PCSK5: variants seen among roughly 807,000 people sequenced by gnomAD.
PCSK5 encodes the protein prohormone convertase 5.
Under a neutral mutation model 233.2 loss-of-function variants are expected in PCSK5, and 129 were observed. The observed-to-expected ratio is 0.55, with a 90% CI of 0.48 to 0.64. PCSK5 has a LOEUF of 0.64. PCSK5 is among the 30% of genes least tolerant of loss of function. PCSK5 has a pLI of 0.00. For synonymous variants in PCSK5, 825 were observed against 879.2 expected (o/e 0.94, Z 1.09); for missense variants, 2,076 against 2,430.1 (o/e 0.85, Z 3.06).
At chr9:76,325,884 G>A (rs2495206) in intron 32 of PCSK5, among the ~76,000 whole-genome samples, 6,218 of 152,158 alleles carry the variant, frequency 0.041, 153 homozygotes, top group South Asian at 0.075. Flanking sequence ...TGATCTGCCC[G>A]TCTCTGCCTC....
intron 3 of PCSK5, among the ~76,000 whole-genome samples, chr9:76,002,873 T>G (rs1042728236): frequency 3.9e-5 from 6 of 152,308 alleles, no homozygotes; most frequent in African/African-American, 1.4e-4. Context: ...ACAAGCCTCC[T>G]GCACATCATT....
chr9:76,225,567 T>C (rs1000531254), intron 20 of PCSK5, among the ~76,000 whole-genome samples: 1 of 152,206 alleles, frequency 6.6e-6, no homozygotes, highest in African/African-American at 2.4e-5. Context: ...GTACCTGGAC[T>C]GATAATCACC....
At chr9:76,348,875 C>T (rs1349009187) in intron 35 of PCSK5, among the ~76,000 whole-genome samples, 1 of 151,872 alleles carries the variant, frequency 6.6e-6, no homozygotes, top group Admixed American at 6.6e-5. Flanking sequence ...TTAGATTCCA[C>T]ATTAAAGTGA....
chr9:76,201,640 G>A (rs901635700), intron 20 of PCSK5, among the ~76,000 whole-genome samples: 1 of 152,214 alleles, frequency 6.6e-6, no homozygotes, highest in African/African-American at 2.4e-5. Flanking sequence ...AGTACACACT[G>A]TGGCTACATC....
chr9:75,904,270 C>A (rs940791353), intron 1 of PCSK5, among the ~76,000 whole-genome samples: 5 of 152,084 alleles, frequency 3.3e-5, no homozygotes, highest in Non-Finnish European at 5.9e-5. Flanking sequence ...TCACAGGTTT[C>A]CTTTGTCATA....
chr9:75,954,414 T>TC (rs1185889762), intron 2 of PCSK5, among the ~76,000 whole-genome samples: 2 of 152,028 alleles, frequency 1.3e-5, no homozygotes, highest in Admixed American at 6.6e-5. Context: ...CTTGAATATC[T>TC]CCCCCTCCCG....
chr9:75,959,873 G>A (rs1289613015), intron 2 of PCSK5, among the ~76,000 whole-genome samples: 1 of 152,250 alleles, frequency 6.6e-6, no homozygotes, highest in East Asian at 1.9e-4. Flanking sequence ...TTATGGTAAA[G>A]ACAATAGCTG....
At chr9:76,272,533 G>A (rs1156853841) in intron 24 of PCSK5, among the ~76,000 whole-genome samples, 1 of 152,008 alleles carries the variant, frequency 6.6e-6, no homozygotes, top group African/African-American at 2.4e-5. Context: ...CCAGCACTTT[G>A]GGAGGCTGAG....
chr9:76,279,779 A>G (rs1382738385), intron 24 of PCSK5, among the ~76,000 whole-genome samples: 2 of 151,072 alleles, frequency 1.3e-5, no homozygotes, highest in African/African-American at 4.9e-5. Context: ...TTTCTTGTAA[A>G]TTTGTTTGAG....
chr9:76,303,556 A>T (rs1049640163), intron 28 of PCSK5, among the ~76,000 whole-genome samples: 1 of 152,192 alleles, frequency 6.6e-6, no homozygotes, highest in African/African-American at 2.4e-5. Context: ...GACATAGAAC[A>T]TTGAAGATTT....
At chr9:76,257,722 G>C (rs1433988154) in intron 24 of PCSK5, among the ~76,000 whole-genome samples, 1 of 152,144 alleles carries the variant, frequency 6.6e-6, no homozygotes, top group Non-Finnish European at 1.5e-5. Flanking sequence ...ATGCCTCACT[G>C]ATCACCCTTT....
chr9:76,214,310 G>GCACA, intron 20 of PCSK5, among the ~76,000 whole-genome samples: 1 of 150,970 alleles, frequency 6.6e-6, no homozygotes, highest in Non-Finnish European at 1.5e-5. Context: ...ACACACACGT[G>GCACA]CACACACACA....
At chr9:76,072,235 A>G (rs1160893754) in intron 7 of PCSK5, among the ~76,000 whole-genome samples, 1 of 152,242 alleles carries the variant, frequency 6.6e-6, no homozygotes, top group Non-Finnish European at 1.5e-5. Context: ...AACACTCTCC[A>G]GGTAGCGTGA....
intron 3 of PCSK5, among the ~76,000 whole-genome samples, chr9:75,988,765 C>T (rs539004678): frequency 6.6e-6 from 1 of 151,992 alleles, no homozygotes; most frequent in South Asian, 2.1e-4. Flanking sequence ...TTAAAATTGG[C>T]CTAGTTTTAA....
Position 75,999,741 on chromosome 9 carries a change from A to G in PCSK5, c.411+13496A>G, listed in dbSNP as rs531298022. ...TGCTGCAGAGATTTTGTTTATGGCC[A>G]GTTTTGGGGCCAGTTTATGGCCAGA... On this transcript the variant is annotated intron_variant, in intron 3 of 37. Transcript: ENST00000674117. Among the ~76,000 whole-genome samples, 5 of 152,314 alleles carry G rather than the reference A, an allele frequency of 3.3e-5. No individual in the cohort carries two copies. In the South Asian group the frequency reaches 1.0e-3, roughly 32 times the overall value.
intron 1 of PCSK5, among the ~76,000 whole-genome samples, chr9:75,902,214 T>TTAAAAAAAA (rs1554703242): frequency 7.5e-5 from 4 of 53,300 alleles, no homozygotes; most frequent in Non-Finnish European, 1.4e-4. Flanking sequence ...AGACACCATC[T>TTAAAAAAAA]AAAAAAAAAA....
In PCSK5 at chr9:76,310,881, C is replaced by T. The variant is rs1241154174; in HGVS notation, c.3884+30C>T. On this transcript the variant is annotated intron_variant, in intron 30 of 37. Coordinates refer to ENST00000674117, the MANE Select transcript of PCSK5 (RefSeq NM_001372043.1). Reference sequence around the variant, plus strand: ...GTTTCCTTTTTAATTTTACTTCCTGCTTGTAATCACTCTCCTCTGGTACTT... The same window carrying T: ...GTTTCCTTTTTAATTTTACTTCCTGTTTGTAATCACTCTCCTCTGGTACTT... 2.9e-6 allele frequency: 4 copies of T among 1,391,010 alleles called. No homozygotes were observed. In the African/African-American group the frequency reaches 4.3e-5, roughly 15 times the overall value. 86.2% of individuals were successfully genotyped at this position (1,391,010 alleles called of 1,614,324 possible). A position where few individuals can be genotyped will look rare whatever the true frequency, so the allele number is the denominator to read the frequency against.
chr9:76,004,935 G>A (rs1038772921), intron 3 of PCSK5, among the ~76,000 whole-genome samples: 1 of 152,158 alleles, frequency 6.6e-6, no homozygotes, highest in African/African-American at 2.4e-5. Context: ...TCGGTGAGAA[G>A]GGTGTCATTG....
intron 2 of PCSK5, among the ~76,000 whole-genome samples, chr9:75,956,004 A>G (rs940469297): frequency 1.3e-5 from 2 of 152,338 alleles, no homozygotes; most frequent in Admixed American, 1.3e-4. Context: ...TAACTCGCTC[A>G]AAGCATATTT....
Sources: gnomAD v4.1 joint callset for allele counts (sites outside exome capture counted in the v4.1 genomes callset) on GRCh38, gnomAD v4.1.1 for gene constraint, MANE v1.5 for transcripts, NCBI Gene and HGNC (gene_info 2026-07-23, HGNC 2026-07-21) for gene names.